Variants in FGGY observed in about 807,000 individuals in gnomAD.
FGGY encodes FGGY carbohydrate kinase domain containing.
A neutral mutation model predicts 71.3 loss-of-function variants in FGGY; 72 were observed. The ratio of observed to expected loss-of-function variants is 1.01; its 90% CI spans 0.84 to 1.23. The LOEUF is 1.23. FGGY is among the 50% of genes most tolerant of loss of function. FGGY has a pLI of 0.00. For missense variants in FGGY, 668 were observed against 682.3 expected, an observed-to-expected ratio of 0.98 and a Z score of 0.23; for synonymous variants, 251 against 250.3, an observed-to-expected ratio of 1.00 and a Z score of -0.02.
chr1:59,580,222 C>T (rs1468509740), intron 8 of FGGY, among the ~76,000 whole-genome samples: 1 of 152,300 alleles, frequency 6.6e-6, no homozygotes, highest in South Asian at 2.1e-4. Flanking sequence ...ACTGTAAGTT[C>T]CATGAAGACA....
chr1:59,325,044 C>T (rs576911386), intron 2 of FGGY, among the ~76,000 whole-genome samples: 31 of 152,084 alleles, frequency 2.0e-4, no homozygotes, highest in Admixed American at 5.9e-4. Context: ...CCTCACCTGC[C>T]CAACTCCCAC....
intron 7 of FGGY, among the ~76,000 whole-genome samples, chr1:59,512,641 G>T (rs565037525): frequency 1.3e-5 from 2 of 152,074 alleles, no homozygotes; most frequent in Non-Finnish European, 2.9e-5. Context: ...ATTTATAATT[G>T]TATTAATTTC....
At chr1:59,399,125 A>G (rs1447199361) in intron 5 of FGGY, among the ~76,000 whole-genome samples, 5 of 152,276 alleles carry the variant, frequency 3.3e-5, no homozygotes, top group South Asian at 2.1e-4. Context: ...AATAGTTCCT[A>G]TTTTATAGAG....
intron 4 of FGGY, among the ~76,000 whole-genome samples, chr1:59,365,624 G>T (rs748262370): frequency 3.9e-5 from 6 of 152,220 alleles, no homozygotes; most frequent in Non-Finnish European, 8.8e-5. Flanking sequence ...AATTTGGTCT[G>T]ACTTTCCATT....
intron 2 of FGGY, among the ~76,000 whole-genome samples, chr1:59,328,181 A>G (rs2047774751): frequency 6.6e-6 from 1 of 152,236 alleles, no homozygotes. Context: ...CCTAGATGGT[A>G]TCTTCTTCCA....
At chr1:59,383,511 G>A (rs968567969) in intron 5 of FGGY, among the ~76,000 whole-genome samples, 5 of 152,116 alleles carry the variant, frequency 3.3e-5, no homozygotes, top group Admixed American at 3.3e-4. Context: ...AACCAGTTCA[G>A]GCCATGATGG....
chr1:59,374,584 G>T (rs933275437), intron 4 of FGGY, among the ~76,000 whole-genome samples: 6 of 151,998 alleles, frequency 3.9e-5, no homozygotes, highest in Non-Finnish European at 7.4e-5. Flanking sequence ...AAATCATGCT[G>T]CTATAAAGAC....
At chr1:59,331,975 T>C (rs1248136123) in intron 2 of FGGY, 1 of 152,296 alleles carries the variant, frequency 6.6e-6, no homozygotes, top group Non-Finnish European at 1.5e-5. Context: ...AGCTGGATTA[T>C]GTCTATGAAG....
intron 8 of FGGY, among the ~76,000 whole-genome samples, chr1:59,573,889 A>G (rs1040060474): frequency 1.3e-5 from 2 of 152,170 alleles, no homozygotes; most frequent in African/African-American, 4.8e-5. Context: ...AAAATTTAAC[A>G]CTCAAGCTAA....
chr1:59,410,549 A>G (rs1420693887), intron 5 of FGGY, among the ~76,000 whole-genome samples: 1 of 152,202 alleles, frequency 6.6e-6, no homozygotes, highest in Non-Finnish European at 1.5e-5. Context: ...CTGTAAGATT[A>G]TTGATGATGG....
chr1:59,577,742 AAGTT>A (rs1300004341), intron 8 of FGGY, among the ~76,000 whole-genome samples: 3 of 152,196 alleles, frequency 2.0e-5, no homozygotes, highest in Admixed American at 2.0e-4. Context: ...TTCATTTCAT[AAGTT>A]AGAGTAACAC....
intron 14 of FGGY, among the ~76,000 whole-genome samples, chr1:59,692,559 C>A (rs377136632): frequency 7.9e-5 from 12 of 151,636 alleles, no homozygotes; most frequent in African/African-American, 2.9e-4. Context: ...CATCAGGAGT[C>A]CAACAGGGTT....
chr1:59,636,774 G>A, intron 10 of FGGY, among the ~76,000 whole-genome samples: 1 of 152,196 alleles, frequency 6.6e-6, no homozygotes, highest in East Asian at 1.9e-4. Flanking sequence ...GGATCCATGG[G>A]ATCACTCACC....
At chr1:59,479,566 G>T (rs977372777) in intron 6 of FGGY, among the ~76,000 whole-genome samples, 2 of 152,220 alleles carry the variant, frequency 1.3e-5, no homozygotes, top group African/African-American at 4.8e-5. Context: ...AGCAGCATGT[G>T]CTCGGAAGTG....
intron 3 of FGGY, among the ~76,000 whole-genome samples, chr1:59,345,637 T>C (rs1445612784): frequency 6.6e-6 from 1 of 152,042 alleles, no homozygotes; most frequent in Non-Finnish European, 1.5e-5. Context: ...TCTTCATCTG[T>C]AACTAGCATT....
At chr1:59,710,371 C>T (rs1018175946) in intron 14 of FGGY, among the ~76,000 whole-genome samples, 2 of 152,160 alleles carry the variant, frequency 1.3e-5, no homozygotes, top group Non-Finnish European at 2.9e-5. Context: ...CAATACCATT[C>T]AGGACATAGG....
chr1:59,627,664 C>CA (rs2096872491), intron 10 of FGGY, among the ~76,000 whole-genome samples: 1 of 151,678 alleles, frequency 6.6e-6, no homozygotes. Context: ...ATTCTAAGTA[C>CA]CATTCTCCCA....
intron 8 of FGGY, among the ~76,000 whole-genome samples, chr1:59,560,832 A>G (rs2095780545): frequency 6.6e-6 from 1 of 152,206 alleles, no homozygotes; most frequent in African/African-American, 2.4e-5. Context: ...AGTCTTGGGT[A>G]GATGAGGAGG....
intron 6 of FGGY, among the ~76,000 whole-genome samples, chr1:59,498,360 A>G (rs2094114785): frequency 6.6e-6 from 1 of 152,164 alleles, no homozygotes; most frequent in South Asian, 2.1e-4. Context: ...CTCATTGTTA[A>G]CATTTATTTT....
Sources: allele counts gnomAD v4.1 joint callset (sites outside exome capture counted in the v4.1 genomes callset), GRCh38; gene constraint gnomAD v4.1.1; transcripts MANE v1.5; gene names NCBI Gene and HGNC (gene_info 2026-07-23, HGNC 2026-07-21).